The following SORL1 variants were observed in gnomAD, a reference collection of about 807,000 sequenced individuals.
The protein encoded by SORL1 is sortilin-related receptor.
SORL1 carries 127 observed loss-of-function variants against 273.7 expected under a neutral mutation model. The observed-to-expected ratio is 0.46, with a 90% CI of 0.40 to 0.54. SORL1 has a LOEUF of 0.54. Ranked by LOEUF, SORL1 falls within the 20% of genes least tolerant of loss-of-function variation. SORL1 has a pLI of 0.00. For missense variants in SORL1, 2,494 were observed against 2,846.1 expected, an observed-to-expected ratio of 0.88 and a Z score of 2.81; for synonymous variants, 1,031 against 1,067.4, an observed-to-expected ratio of 0.97 and a Z score of 0.66.
chr11:121,583,247 A>G lies in SORL1; in HGVS notation c.3581-211A>G, dbSNP rs774338191. 7.5e-4 allele frequency among the ~76,000 whole-genome samples: 114 copies of G among 152,216 alleles called. 2 individuals are homozygous for G. Among genetic ancestry groups the G allele is most frequent in the Non-Finnish European group, 2.2e-4 (15 of 68,042 alleles). The stretch of plus-strand genomic sequence containing the variant: ...CTGTCCCTGGGCAATGGCCTGGGTC[A>G]TGTTTATAAATCCATAGGCTCAAGT... On this transcript the variant is annotated intron_variant, in intron 25 of 47. Transcript: ENST00000260197.
chr11:121,545,858 A>T (rs1336662191), intron 14 of SORL1, among the ~76,000 whole-genome samples: 1 of 152,206 alleles, frequency 6.6e-6, no homozygotes, highest in East Asian at 1.9e-4. Flanking sequence ...TTCCTTAAGC[A>T]AAATATCCAA....
In SORL1 at chr11:121,619,846, G is replaced by A. The variant is rs759224696; in HGVS notation, c.5818G>A (p.Val1940Met). 9.9e-6 allele frequency: 16 copies of A among 1,614,082 alleles called. No homozygotes were observed. In the South Asian group the frequency reaches 1.5e-4, roughly 16 times the overall value. The change falls in exon 43 of 48, where the codon GTG becomes ATG. Residue 1940 changes from valine to methionine, a missense_variant. Val to Met is a conservative substitution (Grantham distance 21). Transcript: ENST00000260197. ...CAGGCTTCCACCCCGTCACCTGCAT[G>A]TGGTTCATACGGGCAAAACCTCCGT... ...DSRLPPRHLH[V>M]VHTGKTSVVI...
chr11:121,608,060 G>A (rs897150558), intron 37 of SORL1, 44 bp from the exon 38 acceptor site: 8 of 1,524,310 alleles, frequency 5.2e-6, no homozygotes, highest in African/African-American at 1.4e-5. Flanking sequence ...GGTGTATGGT[G>A]TATTGCCTTT....
At position 121,531,825 on chromosome 11, in the gene SORL1, A is replaced by G. The variant is rs12279197; in HGVS notation, c.1597-639A>G. ...ATGGGATTCCATCCACACTTTACCT[A>G]CCCTATAGGGGCTCCTTTCTCTGGT... is the stretch of plus-strand genomic sequence containing the variant. On this transcript the variant is annotated intron_variant, in intron 11 of 47. Coordinates refer to ENST00000260197, the MANE Select transcript of SORL1 (RefSeq NM_003105.6). Among the ~76,000 whole-genome samples, 370 of 152,166 alleles carry G rather than the reference A, an allele frequency of 2.4e-3. 1 individual carries two copies. The highest frequency in any genetic ancestry group is 7.9e-3 in the African/African-American group (326 of 41,500).
chr11:121,568,490 T>A (rs1055136442), intron 22 of SORL1, among the ~76,000 whole-genome samples: 3 of 152,218 alleles, frequency 2.0e-5, no homozygotes, highest in Non-Finnish European at 4.4e-5. Context: ...TTGATGCAGT[T>A]TGCCAAACTA....
At chr11:121,456,121 G>A (rs1214899784) in intron 1 of SORL1, among the ~76,000 whole-genome samples, 1 of 152,146 alleles carries the variant, frequency 6.6e-6, no homozygotes, top group African/African-American at 2.4e-5. Flanking sequence ...CTGTCTGTCT[G>A]CGCCATCATA....
At chr11:121,582,144 T>G (rs1863023185) in intron 25 of SORL1, among the ~76,000 whole-genome samples, 2 of 152,186 alleles carry the variant, frequency 1.3e-5, no homozygotes, top group Non-Finnish European at 2.9e-5. Context: ...AAGACATAGA[T>G]AATGAGCTAC....
At position 121,554,612 on chromosome 11, in the gene SORL1, A is replaced by T. The variant is rs1401556031; in HGVS notation, c.2439+503A>T. Among the ~76,000 whole-genome samples, 5 of 152,218 alleles carry T rather than the reference A, an allele frequency of 3.3e-5. No individual in the cohort carries two copies. Among genetic ancestry groups the T allele is most frequent in the Non-Finnish European group, 7.3e-5 (5 of 68,028 alleles). ...CATGCATTTAAAGGAGAGCTCTTTG[A>T]TCTTTATTCATTGTCTACTTAATCC... On this transcript the variant is annotated intron_variant, in intron 17 of 47. Transcript: ENST00000260197. The surrounding 1 kb of genome is among the most constrained non-coding windows in gnomAD (Gnocchi z 4.6).
chr11:121,531,694 C>T (rs1157371753), intron 11 of SORL1, among the ~76,000 whole-genome samples: 8 of 152,188 alleles, frequency 5.3e-5, no homozygotes, highest in African/African-American at 1.7e-4. Context: ...GCCTTTGTTA[C>T]ACTGGTTTGT....
chr11:121,528,466 T>TA (rs1175357991), intron 11 of SORL1, among the ~76,000 whole-genome samples: 4 of 151,900 alleles, frequency 2.6e-5, no homozygotes, highest in Non-Finnish European at 4.4e-5. Flanking sequence ...CTCAAAAAAA[T>TA]AAAAAAACAG....
At position 121,550,104 on chromosome 11, in the gene SORL1, G is replaced by A. The variant is rs1202680927; in HGVS notation, c.2180+16G>A. The A allele has an allele frequency of 6.2e-7, 1 of 1,610,256 alleles. No individual in the cohort carries two copies. Among genetic ancestry groups the A allele is most frequent in the Admixed American group, 1.7e-5 (1 of 59,392 alleles). On this transcript the variant is annotated intron_variant, in intron 15 of 47. Transcript: ENST00000260197. This position sits in a 1 kb window ranked among gnomAD's most constrained non-coding sequence, Gnocchi z 5.3. ...GAACGAGAGGGTATGTATCACAGAG[G>A]TTGCCCTGTCAGGTTCTCAGCGGTC...
chr11:121,616,400 T>G (rs1233656805), intron 41 of SORL1, among the ~76,000 whole-genome samples: 1 of 152,240 alleles, frequency 6.6e-6, no homozygotes, highest in East Asian at 1.9e-4. Context: ...ATGATTTTCC[T>G]GTCTACTGTG....
chr11:121,459,226 A>G (rs1294506946), intron 1 of SORL1, among the ~76,000 whole-genome samples: 1 of 152,248 alleles, frequency 6.6e-6, no homozygotes, highest in African/African-American at 2.4e-5. Flanking sequence ...ACGAATTTAA[A>G]GTTGAAATAG....
chr11:121,566,108 G>A (rs554905035), intron 21 of SORL1, among the ~76,000 whole-genome samples: 2 of 152,214 alleles, frequency 1.3e-5, no homozygotes, highest in African/African-American at 4.8e-5. Context: ...GGGCCCTAAG[G>A]AGCAGAAACC....
intron 27 of SORL1, among the ~76,000 whole-genome samples, 172 bp from the exon 28 acceptor site, chr11:121,587,848 T>TGAAA (rs1296205047): frequency 6.6e-6 from 1 of 152,200 alleles, no homozygotes; most frequent in Admixed American, 6.5e-5. Flanking sequence ...ATGATGCACT[T>TGAAA]TATGTCAAAT....
At chr11:121,580,361 T>C (rs1374548323) in intron 25 of SORL1, among the ~76,000 whole-genome samples, 1 of 152,220 alleles carries the variant, frequency 6.6e-6, no homozygotes, top group Non-Finnish European at 1.5e-5. Context: ...GCGACTTCTC[T>C]AGATTTATCT....
rs1367253820 is a variant in SORL1 at position 121,605,525 on chromosome 11, G to A, written c.4902G>A (p.Lys1634=). 6.2e-7 allele frequency: 1 copy of A among 1,614,130 alleles called. No individual in the cohort carries two copies. ...QVKVQVQCLS[K]AHNTNDFVTL... Reference sequence around the variant, plus strand: ...AAGTACAGGTTCAGTGTCTCAGCAAGGCACACAACACCAATGACTTTGTGA... The same window carrying A: ...AAGTACAGGTTCAGTGTCTCAGCAAAGCACACAACACCAATGACTTTGTGA... Residue 1634 remains lysine, a synonymous_variant, in exon 35 of 48, where the codon AAG becomes AAA. Transcript: ENST00000260197.
At chr11:121,456,787 G>A (rs1860912709) in intron 1 of SORL1, among the ~76,000 whole-genome samples, 1 of 152,182 alleles carries the variant, frequency 6.6e-6, no homozygotes, top group Non-Finnish European at 1.5e-5. Context: ...AAGCCAGGGA[G>A]TATTCAGTGT....
intron 6 of SORL1, among the ~76,000 whole-genome samples, chr11:121,510,488 A>G (rs1303514440): frequency 6.6e-6 from 1 of 152,234 alleles, no homozygotes; most frequent in Non-Finnish European, 1.5e-5. Context: ...AGACATCCAT[A>G]CTAGCCTTCA....
Sources: allele counts gnomAD v4.1 joint callset (sites outside exome capture counted in the v4.1 genomes callset), GRCh38; gene constraint gnomAD v4.1.1; non-coding constraint Gnocchi (gnomAD v3.1); transcripts MANE v1.5; gene names NCBI Gene and HGNC (gene_info 2026-07-23, HGNC 2026-07-21).